Variants in MMP24 observed in about 807,000 individuals in gnomAD.
MMP24 encodes matrix metallopeptidase 24, also known as matrix metalloproteinase-24.
MMP24 carries 25 observed loss-of-function variants against 62.8 expected under a neutral mutation model. The ratio of observed to expected loss-of-function variants is 0.40; its 90% CI spans 0.29 to 0.56. The LOEUF is 0.56. Ranked by LOEUF, MMP24 falls within the 20% of genes least tolerant of loss-of-function variation. MMP24 has a pLI of 0.50. For synonymous variants in MMP24, 319 were observed against 350.5 expected (o/e 0.91, Z 1.00); for missense variants, 634 against 853.6 (o/e 0.74, Z 3.21).
At chr20:35,243,464 C>T (rs1302104970) in intron 1 of MMP24, among the ~76,000 whole-genome samples, 2 of 152,106 alleles carry the variant, frequency 1.3e-5, no homozygotes, top group Non-Finnish European at 2.9e-5. Flanking sequence ...TTTTCAGAGC[C>T]TCGCACAGTG....
intron 8 of MMP24, among the ~76,000 whole-genome samples, chr20:35,273,037 C>T (rs1402903272): frequency 6.6e-6 from 1 of 152,098 alleles, no homozygotes; most frequent in Non-Finnish European, 1.5e-5. Flanking sequence ...TAATAGACAG[C>T]TTGTGTGGTG....
In MMP24 at chr20:35,274,328, A is replaced by G; in HGVS notation, c.1657A>G (p.Ser553Gly). ...DYWKFDNQKL[S>G]VEPGYPRNIL... ...CTGGAAGTTTGACAACCAGAAACTG[A>G]GCGTGGAGCCAGGCTACCCGCGCAA... Residue 553 changes from serine to glycine, a missense_variant, in exon 9 of 9, where the codon AGC becomes GGC. Ser to Gly is a moderately conservative substitution (Grantham distance 56). Around this residue, in one of 3 missense-constraint regions of MMP24, gnomAD observed 399 missense variants for 530.8 expected, o/e 0.75. Coordinates refer to ENST00000246186, the MANE Select transcript of MMP24 (RefSeq NM_006690.4). This position sits in a 1 kb window ranked among gnomAD's most constrained non-coding sequence, Gnocchi z 5.1. The G allele has an allele frequency of 6.2e-7, 1 of 1,613,720 alleles. No individual in the cohort carries two copies. The highest frequency in any genetic ancestry group is 8.5e-7 in the Non-Finnish European group (1 of 1,179,898).
At chr20:35,249,580 GAAT>G (rs2060533715) in intron 2 of MMP24, among the ~76,000 whole-genome samples, 1 of 151,706 alleles carries the variant, frequency 6.6e-6, no homozygotes, top group Admixed American at 6.6e-5. Context: ...TGTGAAATGG[GAAT>G]AATAATTTCT....
At chr20:35,267,179 C>T (rs1412868950) in intron 5 of MMP24, 26 bp from the exon 6 acceptor site, 1 of 1,542,552 alleles carries the variant, frequency 6.5e-7, no homozygotes, top group Admixed American at 1.9e-5. Context: ...GCTGCCCCCT[C>T]TCTAAGATGC....
chr20:35,235,485 C>T (rs1205970122), intron 1 of MMP24, among the ~76,000 whole-genome samples: 2 of 152,108 alleles, frequency 1.3e-5, no homozygotes, highest in African/African-American at 4.8e-5. Flanking sequence ...CACCTGAGGT[C>T]AGAAGTTCGA....
At chr20:35,257,836 A>G (rs1397889147) in intron 4 of MMP24, among the ~76,000 whole-genome samples, 1 of 152,142 alleles carries the variant, frequency 6.6e-6, no homozygotes, top group African/African-American at 2.4e-5. Context: ...GCTCTGGAAA[A>G]CCAAGCAGGA....
At position 35,271,210 on chromosome 20, in the gene MMP24, C is replaced by A. The variant is rs2425041; in HGVS notation, c.1334-359C>A. Among the ~76,000 whole-genome samples the A allele has an allele frequency of 0.14, 20,663 of 151,920 alleles. 1,484 individuals are homozygous for A. The highest frequency in any genetic ancestry group is 0.16 in the South Asian group (783 of 4,812). On this transcript the variant is annotated intron_variant, in intron 7 of 8. Transcript: ENST00000246186. This position sits in a 1 kb window ranked among gnomAD's most constrained non-coding sequence, Gnocchi z 4.0. ...AGCCAATGCAGAGCTGCCGGTAGGC[C>A]GAGGGAGGTCAGGGTTTCTGGCTCT...
At chr20:35,234,675 A>C (rs1448508877) in intron 1 of MMP24, among the ~76,000 whole-genome samples, 3 of 152,196 alleles carry the variant, frequency 2.0e-5, no homozygotes, top group African/African-American at 7.2e-5. Context: ...CAGGCAACAC[A>C]ATTAGGTCAG....
chr20:35,241,277 C>T (rs912010932), intron 1 of MMP24, among the ~76,000 whole-genome samples: 4 of 152,120 alleles, frequency 2.6e-5, no homozygotes, highest in African/African-American at 9.7e-5. Flanking sequence ...TGTCCGACCC[C>T]GATCCATCTT....
chr20:35,253,615 T>C (rs957355503), intron 3 of MMP24, among the ~76,000 whole-genome samples: 2 of 152,084 alleles, frequency 1.3e-5, no homozygotes, highest in African/African-American at 4.8e-5. Flanking sequence ...GGTAGTAACG[T>C]TGTTTTGTGA....
chr20:35,237,360 G>C lies in MMP24; in HGVS notation c.247-9480G>C, dbSNP rs1048300893. The stretch of plus-strand genomic sequence containing the variant: ...ATCCCTTGGCTTGTGGCCCCTTCTA[G>C]CAGCAGCAGCACTGCTATAACCTAT... On this transcript the variant is annotated intron_variant, in intron 1 of 8. Transcript: ENST00000246186. Among the ~76,000 whole-genome samples the C allele has an allele frequency of 4.6e-5, 7 of 152,266 alleles. No homozygotes were observed. In the East Asian group the frequency reaches 1.4e-3, roughly 29 times the overall value.
At position 35,269,672 on chromosome 20, in the gene MMP24, T is replaced by TTATC; in HGVS notation, c.1195-88_1195-87insTATC. On this transcript the variant is annotated intron_variant, in intron 6 of 8. Transcript: ENST00000246186. This position sits in a 1 kb window ranked among gnomAD's most constrained non-coding sequence, Gnocchi z 4.6. ...GGACAGTCTCGGTGGAGGGCTGGGCTGTTGGGACCTAAGCCCCACAGCTGC... is the reference window on the plus strand; with the variant it reads ...GGACAGTCTCGGTGGAGGGCTGGGCTTATCGTTGGGACCTAAGCCCCACAGCTGC... 1 of 1,445,698 alleles carries TTATC rather than the reference T, an allele frequency of 6.9e-7. No homozygotes were observed. The highest frequency in any genetic ancestry group is 9.3e-7 in the Non-Finnish European group (1 of 1,079,090). 89.6% of individuals were successfully genotyped at this position (1,445,698 alleles called of 1,614,324 possible).
intron 1 of MMP24, among the ~76,000 whole-genome samples, chr20:35,235,074 G>A (rs991620549): frequency 1.3e-5 from 2 of 152,146 alleles, no homozygotes; most frequent in African/African-American, 2.4e-5. Flanking sequence ...TGACTTACAG[G>A]TTATTTAGTT....
rs186447228 is a variant in MMP24, at chr20:35,275,160, G to A, written c.*551G>A. Reference sequence around the variant, plus strand: ...AGCCTGGGTTTCCCTGCTGGCAGACGGCAGATCCCTCAGGAAACCTGCTCC... The same window carrying A: ...AGCCTGGGTTTCCCTGCTGGCAGACAGCAGATCCCTCAGGAAACCTGCTCC... On this transcript the variant is annotated 3_prime_UTR_variant, in exon 9 of 9. Coordinates refer to ENST00000246186, the MANE Select transcript of MMP24 (RefSeq NM_006690.4). The A allele has an allele frequency of 2.1e-3, 337 of 157,484 alleles. No individual in the cohort carries two copies. Among genetic ancestry groups the A allele is most frequent in the African/African-American group, 7.3e-3 (305 of 41,560 alleles). 9.8% of individuals were successfully genotyped at this position (157,484 alleles called of 1,614,324 possible).
At position 35,230,131 on chromosome 20, in the gene MMP24, A is replaced by C. The variant is rs375297450; in HGVS notation, c.246+3147A>C. 2.5e-3 allele frequency among the ~76,000 whole-genome samples: 385 copies of C among 152,154 alleles called. 1 individual carries two copies. Among genetic ancestry groups the C allele is most frequent in the African/African-American group, 8.9e-3 (370 of 41,512 alleles). On this transcript the variant is annotated intron_variant, in intron 1 of 8. Transcript: ENST00000246186. ...CAGCCTCCTGAGTAACTGGGATTAC[A>C]GGCATGCACCACCACGCCCGGTTAA... is the stretch of plus-strand genomic sequence containing the variant.
At chr20:35,249,850 C>A (rs557945246) in intron 2 of MMP24, among the ~76,000 whole-genome samples, 1 of 152,262 alleles carries the variant, frequency 6.6e-6, no homozygotes, top group Non-Finnish European at 1.5e-5. Context: ...GCCTCGGCCT[C>A]CCAAAGTGCT....
chr20:35,249,649 C>T (rs570725554), intron 2 of MMP24, among the ~76,000 whole-genome samples: 5 of 150,926 alleles, frequency 3.3e-5, no homozygotes, highest in African/African-American at 1.2e-4. Context: ...AGTGCAGTGG[C>T]GGGATCTCGG....
chr20:35,237,126 T>A (rs1422578828), intron 1 of MMP24, among the ~76,000 whole-genome samples: 1 of 152,182 alleles, frequency 6.6e-6, no homozygotes, highest in Non-Finnish European at 1.5e-5. Context: ...TGTGCCAGAA[T>A]CTGCTAAATG....
Position 35,275,747 on chromosome 20 carries a change from A to T in MMP24, c.*1138A>T. Reference sequence around the variant, plus strand: ...CTCCAGCTACTCTGAGGCCGACTCAATCTCTCGGCTGGAAGCAGTGTTTTC... The same window carrying T: ...CTCCAGCTACTCTGAGGCCGACTCATTCTCTCGGCTGGAAGCAGTGTTTTC... On this transcript the variant is annotated 3_prime_UTR_variant, in exon 9 of 9. Coordinates refer to ENST00000246186, the MANE Select transcript of MMP24 (RefSeq NM_006690.4). 1 of 339,592 alleles carries T rather than the reference A, an allele frequency of 2.9e-6. No individual in the cohort carries two copies. Among genetic ancestry groups the T allele is most frequent in the South Asian group, 1.5e-4 (1 of 6,496 alleles). The allele number at this position is 339,592 out of a possible 1,614,324, so 21.0% of individuals were successfully genotyped here.
Sources: gnomAD v4.1 joint callset for allele counts (sites outside exome capture counted in the v4.1 genomes callset) on GRCh38, gnomAD v4.1.1 for gene constraint, gnomAD v4.1.1 regional missense constraint, Gnocchi (gnomAD v3.1) non-coding constraint, MANE v1.5 for transcripts, NCBI Gene and HGNC (gene_info 2026-07-23, HGNC 2026-07-21) for gene names.